Variants in KAZN observed in about 807,000 individuals in gnomAD.
KAZN encodes the protein kazrin.
KAZN carries 40 observed loss-of-function variants against 87.4 expected under a neutral mutation model. That is an observed-to-expected ratio of 0.46 (90% CI 0.36 to 0.60). KAZN has a LOEUF of 0.60. Among genes scored for constraint, KAZN ranks in the 20% least tolerant of loss-of-function variants. KAZN has a pLI of 0.00. For synonymous variants in KAZN, 466 were observed against 458.3 expected (o/e 1.02, Z -0.22); for missense variants, 898 against 1,073.9 (o/e 0.84, Z 2.29).
At chr1:15,003,227 G>C (rs180904614) in intron 2 of KAZN, among the ~76,000 whole-genome samples, 3 of 152,228 alleles carry the variant, frequency 2.0e-5, no homozygotes, top group Admixed American at 2.0e-4. Flanking sequence ...AGCTTTCCAG[G>C]TGGGATAATG....
rs185257333 is a variant in KAZN, at chr1:14,266,657, G to A, written c.249+86065G>A. ...GGTAGTCACAGCCAACTCAGCAGGC[G>A]TGAGGTGGGGACCAGTCGTGAATGG... On this transcript the variant is annotated intron_variant, in intron 2 of 16. Coordinates refer to the KAZN transcript ENST00000636203. 9.2e-5 allele frequency among the ~76,000 whole-genome samples: 14 copies of A among 152,262 alleles called. No individual in the cohort carries two copies. In the East Asian group the frequency reaches 1.5e-3, roughly 17 times the overall value.
intron 2 of KAZN, among the ~76,000 whole-genome samples, chr1:14,319,865 A>G (rs1188527580): frequency 6.6e-6 from 1 of 152,214 alleles, no homozygotes; most frequent in African/African-American, 2.4e-5. Flanking sequence ...GAAGGTCTTT[A>G]TAGAACACAT....
At chr1:14,586,295 G>A (rs1001492862) in intron 2 of KAZN, among the ~76,000 whole-genome samples, 11 of 152,134 alleles carry the variant, frequency 7.2e-5, no homozygotes, top group Admixed American at 3.3e-4. Context: ...GTGATGTGCC[G>A]CACAGATGGA....
intron 2 of KAZN, among the ~76,000 whole-genome samples, chr1:14,336,161 T>C (rs879654435): frequency 2.6e-5 from 4 of 152,252 alleles, no homozygotes; most frequent in Non-Finnish European, 5.9e-5. Flanking sequence ...GAATGGAGGC[T>C]ACTAATCTGT....
At chr1:14,056,059 C>A (rs1016630339) in intron 1 of KAZN, among the ~76,000 whole-genome samples, 1 of 152,162 alleles carries the variant, frequency 6.6e-6, no homozygotes, top group Non-Finnish European at 1.5e-5. Context: ...CTACCTCCTC[C>A]CTGGCTTCAA....
intron 1 of KAZN, among the ~76,000 whole-genome samples, chr1:13,982,560 C>G (rs12727135): frequency 0.17 from 25,227 of 152,196 alleles, 2,670 homozygotes; most frequent in Non-Finnish European, 0.23. Flanking sequence ...GTTGCCACTG[C>G]TGGCTCGGGC....
intron 8 of KAZN, among the ~76,000 whole-genome samples, chr1:15,083,066 C>G (rs1640082835): frequency 6.6e-6 from 1 of 152,166 alleles, no homozygotes; most frequent in Non-Finnish European, 1.5e-5. Flanking sequence ...TTGAGGGCAC[C>G]ATTTAGCCCT....
chr1:14,272,418 G>A (rs1017883543), intron 2 of KAZN, among the ~76,000 whole-genome samples: 1 of 152,168 alleles, frequency 6.6e-6, no homozygotes, highest in Non-Finnish European at 1.5e-5. Flanking sequence ...GGCTACATGA[G>A]TCACAACTTT....
chr1:14,556,984 A>G (rs1233607932), intron 2 of KAZN, among the ~76,000 whole-genome samples: 3 of 152,214 alleles, frequency 2.0e-5, no homozygotes, highest in African/African-American at 7.2e-5. Flanking sequence ...TTCTGTGCTC[A>G]AGAGCTGTAG....
intron 1 of KAZN, among the ~76,000 whole-genome samples, chr1:14,677,723 TC>T (rs1640314758): frequency 6.6e-6 from 1 of 152,148 alleles, no homozygotes; most frequent in Non-Finnish European, 1.5e-5. Context: ...TTGAGCCTGC[TC>T]CCATCTGTGA....
At chr1:14,183,821 G>A (rs983655735) in intron 2 of KAZN, among the ~76,000 whole-genome samples, 5 of 152,142 alleles carry the variant, frequency 3.3e-5, no homozygotes, top group Non-Finnish European at 7.4e-5. Context: ...GTGCTAAAGG[G>A]TAGAGAACTT....
chr1:14,013,386 A>G (rs1329423098), intron 1 of KAZN, among the ~76,000 whole-genome samples: 3 of 152,190 alleles, frequency 2.0e-5, no homozygotes, highest in Non-Finnish European at 4.4e-5. Flanking sequence ...AAGCCTTGCG[A>G]TGAAAACCTT....
chr1:14,074,743 T>A (rs906401092), intron 1 of KAZN, among the ~76,000 whole-genome samples: 2 of 152,218 alleles, frequency 1.3e-5, no homozygotes, highest in Admixed American at 1.3e-4. Flanking sequence ...GAATCCTAAT[T>A]GCATACATTT....
rs1672243069 is a variant in KAZN, at chr1:15,036,195, G to A, written c.555+1310G>A. Among the ~76,000 whole-genome samples, 6 of 102,200 alleles carry A rather than the reference G, an allele frequency of 5.9e-5. No individual in the cohort carries two copies. The South Asian group carries it at 1.4e-3, about 24-fold the overall frequency. 67.0% of individuals were successfully genotyped at this position (102,200 alleles called of 152,430 possible). ...CCTCAGTGCCCGACTCGAGAGCAGG[G>A]CCCGGCTCCCCCTACCCTGCCTACC... On this transcript the variant is annotated intron_variant, in intron 3 of 14. Coordinates refer to ENST00000376030, the MANE Select transcript of KAZN (RefSeq NM_201628.3).
rs61772274 is a variant in KAZN, at chr1:14,773,720, G to T, written c.226+174497G>T. ...CCCATTGGCGTCACTTAGCCTGGCA[G>T]TGCTGCTAATGAGGCCTCTGTGGCC... On this transcript the variant is annotated intron_variant, in intron 1 of 14. Transcript: ENST00000376030. The surrounding 1 kb of genome is among the most constrained non-coding windows in gnomAD (Gnocchi z 5.9). Among the ~76,000 whole-genome samples, 11,581 of 152,234 alleles carry T rather than the reference G, an allele frequency of 0.076. 1,078 individuals are homozygous for T. The highest frequency in any genetic ancestry group is 0.22 in the African/African-American group (9,043 of 41,526).
chr1:14,169,583 T>G (rs1198954683), intron 1 of KAZN, among the ~76,000 whole-genome samples: 2 of 152,088 alleles, frequency 1.3e-5, no homozygotes, highest in African/African-American at 4.8e-5. Context: ...GAGCCCCCAA[T>G]GCTACCTAGG....
intron 2 of KAZN, among the ~76,000 whole-genome samples, chr1:15,030,567 C>G (rs904886614): frequency 2.6e-5 from 4 of 152,210 alleles, no homozygotes; most frequent in African/African-American, 9.7e-5. Flanking sequence ...GGTCATACAT[C>G]TTTAGATGTT....
intron 1 of KAZN, among the ~76,000 whole-genome samples, chr1:14,701,991 T>C (rs1003531480): frequency 1.3e-5 from 2 of 152,170 alleles, no homozygotes; most frequent in African/African-American, 4.8e-5. Context: ...CTCTCATTAC[T>C]GGAGCGGAGG....
chr1:14,720,369 C>T (rs1474870207), intron 1 of KAZN, among the ~76,000 whole-genome samples: 2 of 152,182 alleles, frequency 1.3e-5, no homozygotes, highest in African/African-American at 2.4e-5. Flanking sequence ...GTCCCTAATG[C>T]GTCTTTCTTG....
Sources: gnomAD v4.1 joint callset for allele counts (sites outside exome capture counted in the v4.1 genomes callset) on GRCh38, gnomAD v4.1.1 for gene constraint, Gnocchi (gnomAD v3.1) non-coding constraint, MANE v1.5 for transcripts, NCBI Gene and HGNC (gene_info 2026-07-23, HGNC 2026-07-21) for gene names.